Variants in PATJ observed in about 807,000 individuals in gnomAD.
The protein encoded by PATJ is inaD-like protein.
A neutral mutation model predicts 224.9 loss-of-function variants in PATJ; 190 were observed. The observed-to-expected ratio is 0.84, with a 90% confidence interval of 0.75 to 0.95. The LOEUF (loss-of-function observed/expected upper bound fraction) is 0.95, where lower values mean the gene tolerates loss of function less well. Among genes scored for constraint, PATJ ranks in the 40% least tolerant of loss-of-function variants. PATJ has a pLI of 0.00. For missense variants in PATJ, 2,121 were observed against 2,270.3 expected (o/e 0.93, Z 1.34); for synonymous variants, 769 against 820.3 (o/e 0.94, Z 1.07).
chr1:61,903,288 G>A (rs971531427), intron 24 of PATJ, among the ~76,000 whole-genome samples: 8 of 152,134 alleles, frequency 5.3e-5, no homozygotes, highest in Admixed American at 2.0e-4. Flanking sequence ...TATTTTGCAG[G>A]TGAATAATAG....
At chr1:62,115,936 T>C (rs1395957163) in intron 35 of PATJ, among the ~76,000 whole-genome samples, 2 of 152,170 alleles carry the variant, frequency 1.3e-5, no homozygotes, top group Non-Finnish European at 2.9e-5. Flanking sequence ...CAAAAAAAGC[T>C]GAGTCTCTTA....
intron 16 of PATJ, among the ~76,000 whole-genome samples, chr1:61,832,262 G>A (rs1231761708): frequency 1.3e-5 from 2 of 152,036 alleles, no homozygotes; most frequent in African/African-American, 4.8e-5. Context: ...CTGTACATTA[G>A]ACTCCTGTGA....
chr1:62,003,093 C>T (rs1416225161), intron 28 of PATJ, among the ~76,000 whole-genome samples: 1 of 152,190 alleles, frequency 6.6e-6, no homozygotes, highest in Non-Finnish European at 1.5e-5. Context: ...TAGGAAACCA[C>T]TGATTCCTCT....
chr1:61,890,205 G>T (rs554678038), intron 22 of PATJ, among the ~76,000 whole-genome samples: 1 of 152,200 alleles, frequency 6.6e-6, no homozygotes, highest in South Asian at 2.1e-4. Context: ...CAGGCCAGGC[G>T]TGGTGGCTCA....
intron 27 of PATJ, among the ~76,000 whole-genome samples, chr1:61,958,105 T>C (rs1230079574): frequency 6.6e-6 from 1 of 152,210 alleles, no homozygotes; most frequent in East Asian, 1.9e-4. Context: ...GTTGGTACAT[T>C]TATTTTTCCT....
chr1:61,832,364 A>T (rs1659494502), intron 16 of PATJ, among the ~76,000 whole-genome samples: 1 of 152,054 alleles, frequency 6.6e-6, no homozygotes, highest in Admixed American at 6.6e-5. Context: ...AAATAAAATA[A>T]ATTTTTTAAA....
At chr1:61,838,802 G>A (rs1401091165) in intron 17 of PATJ, among the ~76,000 whole-genome samples, 7 of 152,022 alleles carry the variant, frequency 4.6e-5, no homozygotes, top group African/African-American at 1.7e-4. Flanking sequence ...TCTTTCCCTA[G>A]TATTTATGTG....
intron 4 of PATJ, among the ~76,000 whole-genome samples, chr1:61,766,949 C>T (rs1321316109): frequency 3.9e-5 from 6 of 152,006 alleles, no homozygotes; most frequent in African/African-American, 7.2e-5. Flanking sequence ...AAAAATTAGC[C>T]GGGCGTGGTG....
intron 32 of PATJ, 25 bp from the exon 33 acceptor site, chr1:62,084,490 C>T: frequency 6.2e-7 from 1 of 1,602,394 alleles, no homozygotes; most frequent in Non-Finnish European, 8.5e-7. Flanking sequence ...ACATGCCAGT[C>T]ATGCTGTGTT....
Position 62,161,976 on chromosome 1 carries a change from GGATA to G in PATJ, c.*926_*929del, listed in dbSNP as rs1424714126. ...AAATAAGTCTCAAATTCATTTCTCT[GGATA>G]GATCTTTATATGCTAGTCATTGGTG... On this transcript the variant is annotated 3_prime_UTR_variant, in exon 44 of 44. Coordinates refer to ENST00000642238, the MANE Select transcript of PATJ (RefSeq NM_001350145.3). The G allele has an allele frequency of 2.0e-5, 3 of 152,228 alleles. No homozygotes were observed. The East Asian group carries it at 5.8e-4, about 29-fold the overall frequency. The allele number at this position is 152,228 out of a possible 1,614,324, so 9.4% of individuals were successfully genotyped here.
intron 22 of PATJ, among the ~76,000 whole-genome samples, chr1:61,898,830 A>C (rs952531535): frequency 1.3e-5 from 2 of 152,134 alleles, no homozygotes; most frequent in Admixed American, 6.5e-5. Flanking sequence ...TTTGTCACCT[A>C]GTATGAAGTG....
At chr1:61,996,741 C>CTTTTTTTTTTTTTTTTTTTTT (rs56215259) in intron 28 of PATJ, among the ~76,000 whole-genome samples, 1 of 97,736 alleles carries the variant, frequency 1.0e-5, no homozygotes, top group African/African-American at 3.9e-5. Flanking sequence ...CTTTTCTTTT[C>CTTTTTTTTTTTTTTTTTTTTT]TTTTTTTTTT....
At chr1:61,759,788 C>A (rs1373723132) in intron 1 of PATJ, among the ~76,000 whole-genome samples, 1 of 152,126 alleles carries the variant, frequency 6.6e-6, no homozygotes, top group Non-Finnish European at 1.5e-5. Flanking sequence ...ACATCTTTGT[C>A]CCCCTTTGCC....
chr1:62,096,391 A>G (rs908971207), intron 33 of PATJ, among the ~76,000 whole-genome samples: 2 of 152,190 alleles, frequency 1.3e-5, no homozygotes, highest in Non-Finnish European at 2.9e-5. Context: ...TACTTGACCA[A>G]GAAAAATCAA....
intron 33 of PATJ, among the ~76,000 whole-genome samples, chr1:62,101,294 C>T (rs1365596635): frequency 8.6e-5 from 12 of 139,268 alleles, no homozygotes; most frequent in Non-Finnish European, 7.6e-5. Flanking sequence ...GACAGAGTCT[C>T]GCTCTGTCAC....
intron 33 of PATJ, among the ~76,000 whole-genome samples, chr1:62,107,473 C>T (rs1362989058): frequency 6.6e-6 from 1 of 152,112 alleles, no homozygotes; most frequent in Non-Finnish European, 1.5e-5. Flanking sequence ...AATTTCAAAG[C>T]TTGACTACTT....
chr1:61,911,703 A>G (rs932593799), intron 25 of PATJ, among the ~76,000 whole-genome samples: 2 of 146,912 alleles, frequency 1.4e-5, no homozygotes, highest in Admixed American at 1.4e-4. Context: ...TTTTATATAT[A>G]TATATATATA....
At chr1:62,009,822 C>A (rs556103143) in intron 28 of PATJ, among the ~76,000 whole-genome samples, 2 of 152,062 alleles carry the variant, frequency 1.3e-5, no homozygotes, top group Non-Finnish European at 2.9e-5. Context: ...TGGTGGCTCA[C>A]GCCTGTAATC....
chr1:61,843,622 G>T lies in PATJ; in HGVS notation c.2112+9837G>T, dbSNP rs1661454834. Among the ~76,000 whole-genome samples, 4 of 151,574 alleles carry T rather than the reference G, an allele frequency of 2.6e-5. No individual in the cohort carries two copies. The South Asian group carries it at 8.3e-4, about 32-fold the overall frequency. On this transcript the variant is annotated intron_variant, in intron 17 of 43. Coordinates refer to ENST00000642238, the MANE Select transcript of PATJ (RefSeq NM_001350145.3). ...ATGGTGGCGTGCACCTGTAGTCCCA[G>T]CTACTCGGGAGGCTTGAGTCCAGGA...
Sources: allele counts gnomAD v4.1 joint callset (sites outside exome capture counted in the v4.1 genomes callset), GRCh38; gene constraint gnomAD v4.1.1; transcripts MANE v1.5; gene names NCBI Gene and HGNC (gene_info 2026-07-23, HGNC 2026-07-21).